The following C1orf21 variants were observed in gnomAD, a reference collection of about 807,000 sequenced individuals.
C1orf21 encodes the protein uncharacterized protein C1orf21.
A neutral mutation model predicts 18.7 loss-of-function variants in C1orf21; 3 were observed. The observed-to-expected ratio is 0.16, with a 90% CI of 0.07 to 0.42. C1orf21 has a LOEUF of 0.42. Among genes scored for constraint, C1orf21 ranks in the 10% least tolerant of loss-of-function variants. C1orf21 has a pLI of 0.99. For missense variants in C1orf21, 104 were observed against 143.6 expected, an observed-to-expected ratio of 0.72 and a Z score of 1.41; for synonymous variants, 41 against 46.4, an observed-to-expected ratio of 0.88 and a Z score of 0.47.
At chr1:184,397,325 G>A (rs190978632) in intron 1 of C1orf21, among the ~76,000 whole-genome samples, 2 of 152,328 alleles carry the variant, frequency 1.3e-5, no homozygotes, top group Admixed American at 6.5e-5. Flanking sequence ...AGTGGCTCAC[G>A]CCTGTAATCC....
At chr1:184,426,658 T>C (rs1379724533) in intron 1 of C1orf21, among the ~76,000 whole-genome samples, 3 of 152,206 alleles carry the variant, frequency 2.0e-5, no homozygotes, top group African/African-American at 7.2e-5. Context: ...CAGAGAAATC[T>C]TCCCTAATGT....
At chr1:184,530,936 G>C (rs1390349967) in intron 3 of C1orf21, among the ~76,000 whole-genome samples, 1 of 151,858 alleles carries the variant, frequency 6.6e-6, no homozygotes, top group Non-Finnish European at 1.5e-5. Context: ...AAACATTTTG[G>C]GATACCTACG....
At chr1:184,600,072 G>A (rs968333163) in intron 5 of C1orf21, among the ~76,000 whole-genome samples, 1 of 152,162 alleles carries the variant, frequency 6.6e-6, no homozygotes, top group South Asian at 2.1e-4. Flanking sequence ...TAGTAGTTAG[G>A]GGTAGATGGT....
At chr1:184,573,651 G>A (rs1659145137) in intron 3 of C1orf21, among the ~76,000 whole-genome samples, 1 of 151,908 alleles carries the variant, frequency 6.6e-6, no homozygotes, top group East Asian at 1.9e-4. Flanking sequence ...TTTCTACACA[G>A]GAAAAGCGTT....
intron 4 of C1orf21, among the ~76,000 whole-genome samples, chr1:184,595,319 G>A (rs1000666445): frequency 6.6e-6 from 1 of 152,054 alleles, no homozygotes; most frequent in Admixed American, 6.5e-5. Flanking sequence ...CTTGAAAAAA[G>A]AAAAGCCAGT....
Position 184,557,344 on chromosome 1 carries a change from C to A in C1orf21, c.190-33395C>A, listed in dbSNP as rs945501499. On this transcript the variant is annotated intron_variant, in intron 3 of 5. Transcript: ENST00000235307. ...GGTGATTTCTGAGATTTTGGTGCAC[C>A]CATCACCCGAGCAGTGTACACTGTA... 5.9e-5 allele frequency among the ~76,000 whole-genome samples: 9 copies of A among 152,018 alleles called. No individual in the cohort carries two copies. In the East Asian group the frequency reaches 1.7e-3, roughly 29 times the overall value.
chr1:184,408,893 C>T (rs1656289218), intron 1 of C1orf21, among the ~76,000 whole-genome samples: 2 of 152,176 alleles, frequency 1.3e-5, no homozygotes, highest in South Asian at 4.2e-4. Flanking sequence ...CATTAGGGTC[C>T]TTTTATTTAA....
At position 184,544,877 on chromosome 1, in the gene C1orf21, A is replaced by G. The variant is rs560835093; in HGVS notation, c.189+37195A>G. ...CTCATGTTTGCTGTTGGGAGGCCTC[A>G]GTTCCTCACCACCTGGACCTTCCGT... On this transcript the variant is annotated intron_variant, in intron 3 of 5. Transcript: ENST00000235307. Among the ~76,000 whole-genome samples the G allele has an allele frequency of 1.6e-4, 25 of 152,322 alleles. No individual in the cohort carries two copies. The South Asian group carries it at 2.3e-3, about 14-fold the overall frequency.
chr1:184,616,136 G>A (rs983239481), intron 5 of C1orf21, among the ~76,000 whole-genome samples: 1 of 152,132 alleles, frequency 6.6e-6, no homozygotes, highest in Non-Finnish European at 1.5e-5. Flanking sequence ...TTCTTAGAAC[G>A]GCACTGGATG....
chr1:184,460,635 TTCTTCTTC>T (rs1557977790), intron 1 of C1orf21, among the ~76,000 whole-genome samples: 24 of 96,020 alleles, frequency 2.5e-4, no homozygotes, highest in Non-Finnish European at 5.3e-4. Flanking sequence ...CTTCTTCTTC[TTCTTCTTC>T]TTCTTCTTCT....
intron 1 of C1orf21, among the ~76,000 whole-genome samples, chr1:184,396,933 A>G (rs1192239812): frequency 6.6e-6 from 1 of 152,190 alleles, no homozygotes; most frequent in African/African-American, 2.4e-5. Flanking sequence ...CCCAGCACAT[A>G]TTTGTTGAAT....
At chr1:184,484,154 C>T (rs1416278934) in intron 2 of C1orf21, among the ~76,000 whole-genome samples, 1 of 152,082 alleles carries the variant, frequency 6.6e-6, no homozygotes, top group Non-Finnish European at 1.5e-5. Context: ...GTCTTGAACT[C>T]TTAACCTCAG....
chr1:184,608,653 G>C (rs1030039717), intron 5 of C1orf21, among the ~76,000 whole-genome samples: 7 of 152,176 alleles, frequency 4.6e-5, no homozygotes, highest in African/African-American at 1.7e-4. Context: ...CAGTAGTTCT[G>C]ATGGCCCCAG....
chr1:184,456,842 T>G (rs977015461), intron 1 of C1orf21, among the ~76,000 whole-genome samples: 3 of 152,246 alleles, frequency 2.0e-5, no homozygotes, highest in Admixed American at 6.5e-5. Context: ...GACAATCACT[T>G]CATTGAAGAC....
intron 3 of C1orf21, among the ~76,000 whole-genome samples, chr1:184,513,562 T>C (rs80005640): frequency 0.011 from 1,624 of 152,360 alleles, 15 homozygotes; most frequent in Non-Finnish European, 0.017. Flanking sequence ...TGAAAGATAC[T>C]GGCTGCAGCC....
chr1:184,485,262 A>G, intron 2 of C1orf21, among the ~76,000 whole-genome samples: 1 of 152,200 alleles, frequency 6.6e-6, no homozygotes, highest in East Asian at 1.9e-4. Flanking sequence ...TAAGTTTCAT[A>G]TTAAATGAAT....
At chr1:184,482,546 A>G (rs143554519) in intron 2 of C1orf21, among the ~76,000 whole-genome samples, 2 of 152,342 alleles carry the variant, frequency 1.3e-5, no homozygotes, top group Non-Finnish European at 1.5e-5. Flanking sequence ...TTCAACCTGG[A>G]CAATTATATT....
intron 1 of C1orf21, among the ~76,000 whole-genome samples, chr1:184,435,740 G>A (rs1289736382): frequency 6.6e-6 from 1 of 152,208 alleles, no homozygotes; most frequent in African/African-American, 2.4e-5. Flanking sequence ...TAGGAAAGGA[G>A]CCTGGAAGAA....
At chr1:184,557,276 G>A (rs1205244785) in intron 3 of C1orf21, among the ~76,000 whole-genome samples, 1 of 152,050 alleles carries the variant, frequency 6.6e-6, no homozygotes, top group African/African-American at 2.4e-5. Context: ...AATAGGTTTT[G>A]TGGGAACAGG....
Sources: allele counts gnomAD v4.1 joint callset (sites outside exome capture counted in the v4.1 genomes callset), GRCh38; gene constraint gnomAD v4.1.1; transcripts MANE v1.5; gene names NCBI Gene and HGNC (gene_info 2026-07-23, HGNC 2026-07-21).